AKAP19: variants seen among roughly 807,000 people sequenced by gnomAD.
AKAP19 encodes the protein small A-kinase anchoring protein.
chr2:190,055,821 C>T, the AKAP19 span: 7 of 151,822 alleles, frequency 4.6e-5, no homozygotes, highest in African/African-American at 9.7e-5. Context: ...TCCCAATTTA[C>T]AAAACAGAAG....
At chr2:189,881,730 C>T in the AKAP19 span, among the ~76,000 whole-genome samples, 1 of 152,066 alleles carries the variant, frequency 6.6e-6, no homozygotes, top group Non-Finnish European at 1.5e-5. Context: ...CATTATTTTG[C>T]AGTCTTGTAG....
chr2:190,096,863 GT>G, the AKAP19 span, among the ~76,000 whole-genome samples: 3 of 152,102 alleles, frequency 2.0e-5, no homozygotes, highest in Admixed American at 6.6e-5. Flanking sequence ...TCCTCACATG[GT>G]GGAAGACAGA....
At chr2:190,094,607 A>T in the AKAP19 span, among the ~76,000 whole-genome samples, 66 of 152,286 alleles carry the variant, frequency 4.3e-4, no homozygotes, top group African/African-American at 1.5e-3. Context: ...TTTTATTTGA[A>T]CCATGTTTTT....
chr2:190,109,057 C>T, the AKAP19 span, among the ~76,000 whole-genome samples: 1 of 152,052 alleles, frequency 6.6e-6, no homozygotes, highest in Admixed American at 6.6e-5. Flanking sequence ...GTATCCTTGA[C>T]TTAACTGTGA....
chr2:189,971,958 T>C, the AKAP19 span, among the ~76,000 whole-genome samples: 3 of 152,040 alleles, frequency 2.0e-5, no homozygotes, highest in African/African-American at 7.2e-5. Flanking sequence ...TGGTAGTTTC[T>C]TTTGCTGTGC....
the AKAP19 span, among the ~76,000 whole-genome samples, chr2:190,163,026 C>T: frequency 6.6e-6 from 1 of 152,162 alleles, no homozygotes; most frequent in Admixed American, 6.5e-5. Flanking sequence ...GGATTGACCT[C>T]GCCAGATTAT....
chr2:190,018,794 G>T, the AKAP19 span, among the ~76,000 whole-genome samples: 1 of 152,186 alleles, frequency 6.6e-6, no homozygotes, highest in East Asian at 1.9e-4. Context: ...AGCAGAAATA[G>T]ACCTTCACTG....
At chr2:190,044,691 T>C in the AKAP19 span, among the ~76,000 whole-genome samples, 1 of 152,144 alleles carries the variant, frequency 6.6e-6, no homozygotes, top group Non-Finnish European at 1.5e-5. Context: ...CTGGTCACTT[T>C]TCTGTTAGGC....
At chr2:190,148,953 CTTTTTTTTTT>C in the AKAP19 span, among the ~76,000 whole-genome samples, 113,417 of 135,306 alleles carry the variant, frequency 0.84, 47,266 homozygotes, top group South Asian at 0.92. Flanking sequence ...TCTTTTCTTT[CTTTTTTTTTT>C]TTTTTTTTTT....
At chr2:189,953,910 TTGAA>T in the AKAP19 span, among the ~76,000 whole-genome samples, 1 of 152,116 alleles carries the variant, frequency 6.6e-6, no homozygotes, top group African/African-American at 2.4e-5. Context: ...ATGATATTGA[TTGAA>T]TGAATGAATG....
the AKAP19 span, among the ~76,000 whole-genome samples, chr2:190,084,091 T>TTG: frequency 4.6e-5 from 1 of 21,568 alleles, no homozygotes; most frequent in Admixed American, 5.0e-4. Flanking sequence ...AGAGCTCAGG[T>TTG]TTTTTTTTTT....
chr2:189,932,502 T>C, the AKAP19 span, among the ~76,000 whole-genome samples: 1 of 151,870 alleles, frequency 6.6e-6, no homozygotes, highest in Non-Finnish European at 1.5e-5. Flanking sequence ...ATATACCACA[T>C]TTATTAGTTG....
chr2:190,161,833 G>A, the AKAP19 span, among the ~76,000 whole-genome samples: 1 of 152,242 alleles, frequency 6.6e-6, no homozygotes, highest in Middle Eastern at 3.4e-3. Flanking sequence ...CCCATATTCA[G>A]ATGATATGAG....
the AKAP19 span, among the ~76,000 whole-genome samples, chr2:190,171,674 T>G: frequency 6.6e-6 from 1 of 152,164 alleles, no homozygotes; most frequent in African/African-American, 2.4e-5. Context: ...TTCATATTAC[T>G]CAAAATACTT....
chr2:190,171,275 T>C, the AKAP19 span, among the ~76,000 whole-genome samples: 122 of 151,680 alleles, frequency 8.0e-4, 1 homozygote, highest in African/African-American at 2.9e-3. Context: ...CTATTTAAAA[T>C]ATTTTACTGA....
the AKAP19 span, among the ~76,000 whole-genome samples, chr2:189,978,921 G>A: frequency 1.3e-5 from 2 of 151,908 alleles, no homozygotes; most frequent in Non-Finnish European, 2.9e-5. Flanking sequence ...AAACACTGAT[G>A]AAAGAAATCA....
chr2:190,045,271 CCCT>C, the AKAP19 span, among the ~76,000 whole-genome samples: 1 of 152,124 alleles, frequency 6.6e-6, no homozygotes, highest in Non-Finnish European at 1.5e-5. Flanking sequence ...GCTGGAGGAT[CCCT>C]TCTATCCCTG....
chr2:190,034,882 G>GAAAAAAAAAAAAAAAA, the AKAP19 span, among the ~76,000 whole-genome samples: 2 of 121,866 alleles, frequency 1.6e-5, no homozygotes, highest in African/African-American at 2.8e-5. Flanking sequence ...AAAAAAAAAG[G>GAAAAAAAAAAAAAAAA]AAAAAAATGC....
chr2:190,044,744 A>G, the AKAP19 span, among the ~76,000 whole-genome samples: 5 of 152,274 alleles, frequency 3.3e-5, no homozygotes, highest in African/African-American at 4.8e-5. Flanking sequence ...GCCAGTCCCT[A>G]GTTGCCTCAT....
Sources: allele counts gnomAD v4.1 joint callset (sites outside exome capture counted in the v4.1 genomes callset), GRCh38; gene constraint gnomAD v4.1.1; transcripts MANE v1.5; gene names NCBI Gene and HGNC (gene_info 2026-07-23, HGNC 2026-07-21).